The following MCTP2 variants were observed in gnomAD, a reference collection of about 807,000 sequenced individuals.
The protein encoded by MCTP2 is multiple C2 and transmembrane domain containing 2, also known as multiple C2 and transmembrane domain-containing protein 2.
A neutral mutation model predicts 111.6 loss-of-function variants in MCTP2; 132 were observed. The observed-to-expected ratio is 1.18, with a 90% CI of 1.03 to 1.37. MCTP2 has a LOEUF of 1.37. MCTP2 is among the 40% of genes most tolerant of loss of function. MCTP2 has a pLI of 0.00. For synonymous variants in MCTP2, 395 were observed against 387.7 expected (o/e 1.02, Z -0.22); for missense variants, 1,183 against 1,067.9 (o/e 1.11, Z -1.50).
chr15:94,385,443 A>G lies in MCTP2; in HGVS notation c.1706A>G (p.Asp569Gly), dbSNP rs2080403683. 3 of 1,612,658 alleles carry G rather than the reference A, an allele frequency of 1.9e-6. No individual in the cohort carries two copies. Among genetic ancestry groups the G allele is most frequent in the Non-Finnish European group, 2.5e-6 (3 of 1,179,054 alleles). The change falls in exon 14 of 23, where the codon GAT (aspartate) becomes GGT (glycine). Residue 569 changes from aspartate to glycine, a missense_variant. Asp to Gly is a moderately conservative substitution (Grantham distance 94). Coordinates refer to ENST00000357742, the MANE Select transcript of MCTP2 (RefSeq NM_001385001.1). ...VFTFPIKDIH[D>G]VLEVTVFDED... ...TACAGTCCCATTAAAGATATCCATGATGTTTTGGAAGTGACAGTGTTTGAT... is the reference window on the plus strand; with the variant it reads ...TACAGTCCCATTAAAGATATCCATGGTGTTTTGGAAGTGACAGTGTTTGAT...
At chr15:94,463,187 A>T (rs1008624948) in intron 20 of MCTP2, among the ~76,000 whole-genome samples, 5 of 152,236 alleles carry the variant, frequency 3.3e-5, no homozygotes, top group African/African-American at 1.2e-4. Flanking sequence ...TAATTGGGAA[A>T]GAATTGATAT....
intron 2 of MCTP2, among the ~76,000 whole-genome samples, chr15:94,301,467 G>A (rs2075606949): frequency 6.6e-6 from 1 of 152,178 alleles, no homozygotes; most frequent in African/African-American, 2.4e-5. Context: ...TACAGAAGAG[G>A]GGCTTCCTTA....
chr15:94,284,576 G>A (rs1291739615), intron 1 of MCTP2, among the ~76,000 whole-genome samples: 3 of 152,216 alleles, frequency 2.0e-5, no homozygotes, highest in Admixed American at 1.3e-4. Flanking sequence ...AGTCATGTAC[G>A]ACTTATGTAA....
intron 17 of MCTP2, among the ~76,000 whole-genome samples, chr15:94,428,699 G>T (rs1391877783): frequency 6.6e-6 from 1 of 151,306 alleles, no homozygotes; most frequent in Non-Finnish European, 1.5e-5. Flanking sequence ...TTGTTTCTGT[G>T]GTCTGTGTCT....
At chr15:94,378,483 G>A (rs142396376) in intron 12 of MCTP2, among the ~76,000 whole-genome samples, 12 of 152,238 alleles carry the variant, frequency 7.9e-5, no homozygotes, top group Admixed American at 1.3e-4. Flanking sequence ...AGCTATGATT[G>A]CACCATTGCA....
chr15:94,260,497 C>T (rs6416597), intron 1 of MCTP2, among the ~76,000 whole-genome samples: 143,322 of 152,222 alleles, frequency 0.94, 67,597 homozygotes, highest in African/African-American at 0.99. Context: ...TGTGGGCAGA[C>T]AGTAAATGGG....
chr15:94,268,783 T>A (rs1269368009), intron 1 of MCTP2, among the ~76,000 whole-genome samples: 4 of 151,416 alleles, frequency 2.6e-5, no homozygotes, highest in Admixed American at 2.6e-4. Flanking sequence ...ATTGACTTTT[T>A]TTTTTTTTTT....
chr15:94,246,491 T>C (rs1208217959), intron 1 of MCTP2, among the ~76,000 whole-genome samples: 1 of 152,180 alleles, frequency 6.6e-6, no homozygotes, highest in Admixed American at 6.5e-5. Context: ...ATGCTCTTGT[T>C]GTTTGGAAAT....
intron 17 of MCTP2, among the ~76,000 whole-genome samples, chr15:94,431,603 C>A (rs1485529415): frequency 1.3e-5 from 2 of 152,182 alleles, no homozygotes; most frequent in Non-Finnish European, 2.9e-5. Context: ...AAGGCAGTTA[C>A]AACTTCTTGA....
intron 10 of MCTP2, 125 bp from the exon 11 acceptor site, chr15:94,367,480 A>C: frequency 1.4e-6 from 1 of 728,780 alleles, no homozygotes; most frequent in South Asian, 1.9e-5. Context: ...TTGCTGCTCA[A>C]TAAACCTAAG....
In MCTP2 at chr15:94,399,938, G is replaced by C. The variant is rs777420935; in HGVS notation, c.1908G>C (p.Arg636Ser). The C allele has an allele frequency of 1.9e-6, 3 of 1,613,732 alleles. No individual in the cohort carries two copies. Among genetic ancestry groups the C allele is most frequent in the Non-Finnish European group, 2.5e-6 (3 of 1,179,834 alleles). Reference sequence around the variant, plus strand: ...TTTTCTAGGTGAAAGCAAGTATTAGGACTTTTACTCCCCGGGAAAAGCGCT... The same window carrying C: ...TTTTCTAGGTGAAAGCAAGTATTAGCACTTTTACTCCCCGGGAAAAGCGCT... ...LIYNPVKASI[R>S]TFTPREKRFV... is the part of the protein sequence containing the mutation. The change falls in exon 16 of 23, where the codon AGG (arginine) becomes AGC (serine). Residue 636 changes from arginine to serine, a missense_variant. Transcript: ENST00000357742.
chr15:94,239,185 T>C (rs1409537262), intron 1 of MCTP2, among the ~76,000 whole-genome samples: 1 of 152,188 alleles, frequency 6.6e-6, no homozygotes, highest in Non-Finnish European at 1.5e-5. Flanking sequence ...ACTTGGGTAA[T>C]ATATCAAAAA....
At chr15:94,359,852 C>A (rs2078828716) in intron 10 of MCTP2, among the ~76,000 whole-genome samples, 1 of 152,108 alleles carries the variant, frequency 6.6e-6, no homozygotes, top group Non-Finnish European at 1.5e-5. Context: ...CTTGTCATTG[C>A]CTCATCCCAC....
intron 17 of MCTP2, among the ~76,000 whole-genome samples, chr15:94,421,465 C>T (rs2082626373): frequency 6.6e-6 from 1 of 152,134 alleles, no homozygotes. Flanking sequence ...AGAAGTCTAA[C>T]CCTGGTCTCA....
intron 1 of MCTP2, among the ~76,000 whole-genome samples, chr15:94,252,028 G>A (rs1019545336): frequency 2.0e-5 from 3 of 152,240 alleles, no homozygotes; most frequent in Middle Eastern, 3.4e-3. Context: ...TTGTTCATTC[G>A]TAGACACTTG....
chr15:94,456,225 A>G (rs535908822), intron 19 of MCTP2, among the ~76,000 whole-genome samples: 2 of 152,320 alleles, frequency 1.3e-5, no homozygotes, highest in East Asian at 1.9e-4. Flanking sequence ...CAAACATCAA[A>G]TTCATTATAA....
In MCTP2 at chr15:94,358,541, T is replaced by C; in HGVS notation, c.1230T>C (p.Ser410=). The change falls in exon 10 of 23, where the codon TCT becomes TCC. Residue 410 remains serine, a synonymous_variant. Transcript: ENST00000357742. The part of the protein sequence containing the change: ...WQEQFDFHYF[S]DRMGILDIEV... ...AACAGTTTGACTTTCACTACTTCTC[T>C]GACAGGATGGGCATTTTGGACATTG... The C allele has an allele frequency of 6.2e-7, 1 of 1,613,910 alleles. No homozygotes were observed. The highest frequency in any genetic ancestry group is 8.5e-7 in the Non-Finnish European group (1 of 1,179,830).
At position 94,309,337 on chromosome 15, in the gene MCTP2, A is replaced by C. The variant is rs566549305; in HGVS notation, c.466-4945A>C. Among the ~76,000 whole-genome samples, 15 of 152,372 alleles carry C rather than the reference A, an allele frequency of 9.8e-5. No individual in the cohort carries two copies. In the South Asian group the frequency reaches 2.9e-3, roughly 29 times the overall value. Reference sequence around the variant, plus strand: ...TAGACAAGATACGGGTTATAGATTAAATATGCAGTATGTATACATTTATAT... The same window carrying C: ...TAGACAAGATACGGGTTATAGATTACATATGCAGTATGTATACATTTATAT... On this transcript the variant is annotated intron_variant, in intron 2 of 22. Coordinates refer to ENST00000357742, the MANE Select transcript of MCTP2 (RefSeq NM_001385001.1).
intron 2 of MCTP2, among the ~76,000 whole-genome samples, chr15:94,313,348 A>G (rs1181638477): frequency 2.6e-5 from 4 of 152,186 alleles, no homozygotes; most frequent in African/African-American, 9.7e-5. Context: ...TAACTACTGC[A>G]TGATGCAGGT....
Sources: allele counts gnomAD v4.1 joint callset (sites outside exome capture counted in the v4.1 genomes callset), GRCh38; gene constraint gnomAD v4.1.1; transcripts MANE v1.5; gene names NCBI Gene and HGNC (gene_info 2026-07-23, HGNC 2026-07-21).